The following CNTLN variants were observed in gnomAD, a reference collection of about 807,000 sequenced individuals.
CNTLN encodes the protein centlein.
A neutral mutation model predicts 180.0 loss-of-function variants in CNTLN; 212 were observed. The ratio of observed to expected loss-of-function variants is 1.18; its 90% CI spans 1.05 to 1.32. The LOEUF (loss-of-function observed/expected upper bound fraction) is 1.32. Ranked by LOEUF, CNTLN falls within the 40% of genes most tolerant of loss-of-function variation. The pLI is 0.00. For synonymous variants in CNTLN, 722 were observed against 563.1 expected (o/e 1.28, Z -3.99); for missense variants, 2,095 against 1,610.9 (o/e 1.30, Z -5.14).
chr9:17,189,412 G>C (rs905861142), intron 2 of CNTLN, among the ~76,000 whole-genome samples: 9 of 150,944 alleles, frequency 6.0e-5, no homozygotes, highest in African/African-American at 1.9e-4. Flanking sequence ...ATTAGTGCAG[G>C]CTTAGAGCGA....
intron 8 of CNTLN, among the ~76,000 whole-genome samples, chr9:17,315,967 G>GT (rs1457102553): frequency 1.7e-4 from 1 of 5,790 alleles, no homozygotes; most frequent in Non-Finnish European, 7.8e-4. Flanking sequence ...GTTCTATTCT[G>GT]TTTTTTCAGG....
the CNTLN span, among the ~76,000 whole-genome samples, chr9:17,526,187 G>C: frequency 6.6e-6 from 1 of 152,006 alleles, no homozygotes; most frequent in Non-Finnish European, 1.5e-5. Flanking sequence ...CACCCACCTC[G>C]GCCTCCCAAA....
At chr9:17,157,021 A>G (rs2131558676) in intron 2 of CNTLN, among the ~76,000 whole-genome samples, 1 of 152,336 alleles carries the variant, frequency 6.6e-6, no homozygotes. Flanking sequence ...TGGACGCCAC[A>G]ACAAATAATG....
At chr9:17,304,905 G>T (rs1818602730) in intron 7 of CNTLN, among the ~76,000 whole-genome samples, 1 of 152,000 alleles carries the variant, frequency 6.6e-6, no homozygotes, top group South Asian at 2.1e-4. Context: ...TTGTGCATTT[G>T]CAGATTTTTT....
intron 3 of CNTLN, among the ~76,000 whole-genome samples, chr9:17,231,905 A>T (rs1824839734): frequency 6.8e-6 from 1 of 146,824 alleles, no homozygotes; most frequent in Admixed American, 7.0e-5. Flanking sequence ...TGAATTATTC[A>T]TTCATTTCAT....
intron 2 of CNTLN, among the ~76,000 whole-genome samples, chr9:17,213,980 C>A (rs1198369187): frequency 6.6e-6 from 1 of 152,122 alleles, no homozygotes; most frequent in Non-Finnish European, 1.5e-5. Flanking sequence ...CTGAATACAG[C>A]ACACTGATGG....
At chr9:17,208,508 T>C (rs1392549013) in intron 2 of CNTLN, among the ~76,000 whole-genome samples, 1 of 152,222 alleles carries the variant, frequency 6.6e-6, no homozygotes, top group Non-Finnish European at 1.5e-5. Flanking sequence ...AAGTGTTCTC[T>C]TCCTGTTTTT....
chr9:17,467,337 A>C (rs1253246821), intron 23 of CNTLN, among the ~76,000 whole-genome samples: 1 of 151,600 alleles, frequency 6.6e-6, no homozygotes, highest in African/African-American at 2.4e-5. Flanking sequence ...AACAGAACAA[A>C]GAGAAGACAA....
chr9:17,505,947 AAGAAT>A (rs1833926231), downstream of CNTLN, among the ~76,000 whole-genome samples: 1 of 152,112 alleles, frequency 6.6e-6, no homozygotes, highest in Non-Finnish European at 1.5e-5. Flanking sequence ...ATCAATGAAA[AAGAAT>A]AGAGAACCAA....
chr9:17,320,043 G>C (rs533905733), intron 8 of CNTLN, among the ~76,000 whole-genome samples: 1 of 152,130 alleles, frequency 6.6e-6, no homozygotes, highest in Non-Finnish European at 1.5e-5. Context: ...TTTTTGCCTT[G>C]GAGGAATATC....
chr9:17,414,523 G>A (rs1828082477), intron 16 of CNTLN, among the ~76,000 whole-genome samples: 1 of 151,864 alleles, frequency 6.6e-6, no homozygotes, highest in South Asian at 2.1e-4. Flanking sequence ...TCTTAATAAA[G>A]CAATTAAAAA....
chr9:17,442,273 A>G (rs1378112945), intron 18 of CNTLN, among the ~76,000 whole-genome samples: 1 of 152,220 alleles, frequency 6.6e-6, no homozygotes, highest in Non-Finnish European at 1.5e-5. Context: ...TGTTAGGCCA[A>G]AAACATACCT....
chr9:17,231,846 A>C (rs1824834812), intron 3 of CNTLN, among the ~76,000 whole-genome samples: 1 of 145,694 alleles, frequency 6.9e-6, no homozygotes, highest in African/African-American at 2.6e-5. Context: ...CCTGCTTCAT[A>C]CTCACTATTA....
chr9:17,150,376 C>A (rs1407020900), intron 2 of CNTLN, among the ~76,000 whole-genome samples: 1 of 152,184 alleles, frequency 6.6e-6, no homozygotes, highest in African/African-American at 2.4e-5. Flanking sequence ...TATGGCTAGC[C>A]AGTTTTCCCA....
intron 13 of CNTLN, among the ~76,000 whole-genome samples, chr9:17,382,062 A>G (rs1429635907): frequency 1.3e-5 from 2 of 152,208 alleles, no homozygotes; most frequent in Admixed American, 6.5e-5. Context: ...TTGCTGAGTA[A>G]TAATCTACCA....
intron 8 of CNTLN, among the ~76,000 whole-genome samples, chr9:17,329,727 T>A (rs1414103544): frequency 6.6e-6 from 1 of 151,694 alleles, no homozygotes; most frequent in Admixed American, 6.6e-5. Flanking sequence ...AAGTTAACCG[T>A]ATATATTTTT....
chr9:17,202,646 G>GTTTT (rs57960408), intron 2 of CNTLN, among the ~76,000 whole-genome samples: 507 of 71,258 alleles, frequency 7.1e-3, no homozygotes, highest in Non-Finnish European at 9.4e-3. Context: ...TGCAACCTCT[G>GTTTT]TTTTTTTTTT....
intron 23 of CNTLN, among the ~76,000 whole-genome samples, chr9:17,472,120 C>T (rs926958468): frequency 2.0e-5 from 3 of 152,054 alleles, no homozygotes; most frequent in Admixed American, 2.0e-4. Context: ...GAATTGAAGG[C>T]ATATGGAATA....
intron 8 of CNTLN, among the ~76,000 whole-genome samples, chr9:17,313,194 A>G (rs1260479729): frequency 6.6e-6 from 1 of 152,170 alleles, no homozygotes; most frequent in Non-Finnish European, 1.5e-5. Context: ...TAATTTCAGC[A>G]CATAGGTTAC....
Sources: gnomAD v4.1 joint callset for allele counts (sites outside exome capture counted in the v4.1 genomes callset) on GRCh38, gnomAD v4.1.1 for gene constraint, MANE v1.5 for transcripts, NCBI Gene and HGNC (gene_info 2026-07-23, HGNC 2026-07-21) for gene names.